TEX11: variants seen among roughly 807,000 people sequenced by gnomAD.
TEX11 encodes testis-expressed protein 11.
Under a neutral mutation model 84.4 loss-of-function variants are expected in TEX11, and 7 were observed. The observed-to-expected ratio is 0.08, with a 90% CI of 0.05 to 0.16. The LOEUF is 0.16. Among genes scored for constraint, TEX11 ranks in the 10% least tolerant of loss-of-function variants. TEX11 has a pLI of 1.00. For missense variants in TEX11, 551 were observed against 660.5 expected (o/e 0.83, Z 1.82); for synonymous variants, 264 against 222.8 (o/e 1.18, Z -1.64).
chrX:70,679,227 T>G (rs1252813880), intron 14 of TEX11, among the ~76,000 whole-genome samples: 1 of 112,347 alleles, frequency 8.9e-6, no homozygotes, highest in Non-Finnish European at 1.9e-5. Flanking sequence ...AGACGGAGTC[T>G]CATTCACTCC....
intron 9 of TEX11, among the ~76,000 whole-genome samples, chrX:70,775,799 C>CAAAAAAAAAA (rs55995616): frequency 2.7e-4 from 12 of 44,080 alleles, no homozygotes; most frequent in South Asian, 2.4e-3. Flanking sequence ...GACTCCGTCT[C>CAAAAAAAAAA]AAAAAAAAAA....
chrX:70,589,927 A>C (rs2088906178), intron 25 of TEX11, among the ~76,000 whole-genome samples: 3 of 112,367 alleles, frequency 2.7e-5, no homozygotes, highest in Admixed American at 9.4e-5. Context: ...GGTATACTGT[A>C]GTTTGGGTTT....
chrX:70,728,371 C>G (rs1211524283), intron 11 of TEX11, among the ~76,000 whole-genome samples: 4 of 113,137 alleles, frequency 3.5e-5, no homozygotes, highest in African/African-American at 1.3e-4. Flanking sequence ...GAGGCATCGC[C>G]TCACCAGGGA....
chrX:70,612,134 T>C (rs772903982), intron 20 of TEX11, among the ~76,000 whole-genome samples: 4 of 108,798 alleles, frequency 3.7e-5, no homozygotes, highest in Non-Finnish European at 7.6e-5. Context: ...CGAGACACCA[T>C]CTCAATAATA....
intron 2 of TEX11, among the ~76,000 whole-genome samples, chrX:70,888,754 C>T (rs1380897453): frequency 9.0e-6 from 1 of 110,882 alleles, no homozygotes; most frequent in East Asian, 2.8e-4. Flanking sequence ...TAGATTTAAC[C>T]CAAGAAAACC....
chrX:70,739,144 A>G, intron 11 of TEX11, among the ~76,000 whole-genome samples: 1 of 111,786 alleles, frequency 8.9e-6, no homozygotes, highest in Non-Finnish European at 1.9e-5. Flanking sequence ...ATTCCTGTCT[A>G]TAAATATTTC....
At chrX:70,636,163 C>T (rs1307379091) in intron 17 of TEX11, among the ~76,000 whole-genome samples, 1 of 110,747 alleles carries the variant, frequency 9.0e-6, no homozygotes, top group African/African-American at 3.3e-5. Flanking sequence ...CAGGCTGGCC[C>T]CCACAGACCC....
At chrX:70,513,516 G>C in the TEX11 span, among the ~76,000 whole-genome samples, 1 of 105,854 alleles carries the variant, frequency 9.4e-6, no homozygotes, top group African/African-American at 3.5e-5. Context: ...TTTGACATGG[G>C]ATTGTCCTAT....
At chrX:70,610,208 A>AGGG (rs2089243288) in intron 21 of TEX11, among the ~76,000 whole-genome samples, 1 of 54,431 alleles carries the variant, frequency 1.8e-5, no homozygotes, top group African/African-American at 6.0e-5. Context: ...GGAAGGAAGG[A>AGGG]AGAGAGGGAG....
chrX:70,814,991 G>T (rs2091278454), intron 8 of TEX11, among the ~76,000 whole-genome samples: 2 of 111,831 alleles, frequency 1.8e-5, no homozygotes, highest in African/African-American at 6.5e-5. Context: ...CTGCACTATG[G>T]CTCAGGGCTT....
At chrX:70,882,720 C>T (rs145215894) in intron 2 of TEX11, among the ~76,000 whole-genome samples, 2 of 109,180 alleles carry the variant, frequency 1.8e-5, no homozygotes, top group Non-Finnish European at 3.8e-5. Flanking sequence ...GTGGAAGCTG[C>T]AGTTAAGCTA....
intron 9 of TEX11, among the ~76,000 whole-genome samples, chrX:70,806,051 T>C (rs2147807788): frequency 8.9e-6 from 1 of 112,131 alleles, no homozygotes; most frequent in Non-Finnish European, 1.9e-5. Context: ...CCTTATACTC[T>C]GGTGTTGCCA....
At position 70,717,427 on chromosome X, in the gene TEX11, T is replaced by G. The variant is rs1371819495; in HGVS notation, c.1004+5191A>C. ...TCCGTCTCCTGGGTTCAAGCAATTC[T>G]CATGCCTCAGCCTCCTGAGTAGCTG... is the stretch of plus-strand genomic sequence containing the variant. On this transcript the variant is annotated intron_variant, in intron 13 of 29. Coordinates refer to ENST00000374333, the MANE Select transcript of TEX11 (RefSeq NM_031276.3). Among the ~76,000 whole-genome samples, 6 of 109,850 alleles carry G rather than the reference T, an allele frequency of 5.5e-5. No homozygotes were observed. The East Asian group carries it at 1.4e-3, about 26-fold the overall frequency.
At chrX:70,772,104 G>A (rs1305660211) in intron 9 of TEX11, among the ~76,000 whole-genome samples, 5 of 111,908 alleles carry the variant, frequency 4.5e-5, no homozygotes, top group Non-Finnish European at 9.4e-5. Context: ...CACTAGGTCA[G>A]CATACCTGAG....
the TEX11 span, among the ~76,000 whole-genome samples, chrX:70,521,443 A>G: frequency 9.1e-6 from 1 of 110,252 alleles, no homozygotes; most frequent in Admixed American, 9.7e-5. Context: ...TGCCCGGCTA[A>G]TTTTTGTATT....
chrX:70,661,238 T>C (rs1467772704), intron 16 of TEX11, among the ~76,000 whole-genome samples: 2 of 112,554 alleles, frequency 1.8e-5, no homozygotes, highest in Non-Finnish European at 3.8e-5. Flanking sequence ...ATCCCACGCC[T>C]GGCTCAGAGG....
chrX:70,606,959 C>T lies in TEX11; in HGVS notation c.1950G>A (p.Lys650=), dbSNP rs779742104. The part of the protein sequence containing the change: ...MMREFFILSY[K]MSQFCPSDQV... ...GAGATACTTATTAAAAGAAACTTACCTTATAAGAAAGTATAAAAAACTCTC... is the reference window on the plus strand; with the variant it reads ...GAGATACTTATTAAAAGAAACTTACTTTATAAGAAAGTATAAAAAACTCTC... The change falls in exon 23 of 30, where the codon AAG becomes AAA. Residue 650 remains lysine (K), a splice_region_variant and synonymous_variant. Transcript: ENST00000374333. The T allele has an allele frequency of 1.7e-6, 2 of 1,179,624 alleles. No individual in the cohort carries two copies. The highest frequency in any genetic ancestry group is 3.8e-5 in the South Asian group (2 of 52,868).
chrX:70,819,674 G>A (rs180899231), intron 8 of TEX11, among the ~76,000 whole-genome samples: 3 of 111,066 alleles, frequency 2.7e-5, no homozygotes, highest in Admixed American at 1.9e-4. Context: ...CATATATTTC[G>A]AGAATCCTAA....
chrX:70,758,576 C>T (rs1262790419), intron 9 of TEX11, among the ~76,000 whole-genome samples: 3 of 111,749 alleles, frequency 2.7e-5, no homozygotes, highest in African/African-American at 9.8e-5. Flanking sequence ...ACCAATAAGA[C>T]AAAGACACAA....
Sources: gnomAD v4.1 joint callset for allele counts (sites outside exome capture counted in the v4.1 genomes callset) on GRCh38, gnomAD v4.1.1 for gene constraint, MANE v1.5 for transcripts, NCBI Gene and HGNC (gene_info 2026-07-23, HGNC 2026-07-21) for gene names.